Variants in SLC17A1 observed in about 807,000 individuals in gnomAD.
SLC17A1 encodes sodium-dependent phosphate transport protein 1.
Under a neutral mutation model 53.5 loss-of-function variants are expected in SLC17A1, and 51 were observed. The ratio of observed to expected loss-of-function variants is 0.95; its 90% confidence interval spans 0.76 to 1.20. SLC17A1 has a LOEUF of 1.20. Ranked by LOEUF, SLC17A1 falls within the 50% of genes most tolerant of loss-of-function variation. SLC17A1 has a pLI of 0.00. For missense variants in SLC17A1, 538 were observed against 568.2 expected (o/e 0.95, Z 0.54); for synonymous variants, 179 against 198.8 (o/e 0.90, Z 0.84).
At chr6:25,731,463 A>G in the SLC17A1 span, among the ~76,000 whole-genome samples, 148,971 of 152,296 alleles carry the variant, frequency 0.98, 72,940 homozygotes, top group East Asian at 1. Context: ...AGAAAACGTC[A>G]TAGACAAAAA....
intron 6 of SLC17A1, 114 bp from the exon 7 acceptor site, chr6:25,813,327 T>G: frequency 1.2e-6 from 1 of 836,404 alleles, no homozygotes; most frequent in Non-Finnish European, 2.0e-6. Flanking sequence ...CTTTCTTTTT[T>G]GAAACTTTTC....
chr6:25,814,704 C>G (rs974827417), intron 6 of SLC17A1, among the ~76,000 whole-genome samples: 1 of 152,148 alleles, frequency 6.6e-6, no homozygotes, highest in Admixed American at 6.5e-5. Context: ...ACAGAATGGG[C>G]TGGGCATGGT....
At chr6:25,741,430 A>C in the SLC17A1 span, among the ~76,000 whole-genome samples, 13 of 151,260 alleles carry the variant, frequency 8.6e-5, no homozygotes, top group South Asian at 1.0e-3. Flanking sequence ...AAAAAAAAAA[A>C]AAAAAAGGGC....
chr6:25,774,823 A>G, the SLC17A1 span, among the ~76,000 whole-genome samples: 1 of 152,244 alleles, frequency 6.6e-6, no homozygotes, highest in Non-Finnish European at 1.5e-5. Context: ...CATTGCCTTC[A>G]GGGCATTTTC....
chr6:25,757,334 C>G, the SLC17A1 span, among the ~76,000 whole-genome samples: 1 of 152,210 alleles, frequency 6.6e-6, no homozygotes, highest in South Asian at 2.1e-4. Context: ...TTCACCAGCA[C>G]CTACTGCTTA....
Position 25,819,873 on chromosome 6 carries a change from A to G in SLC17A1, c.250T>C (p.Leu84=), listed in dbSNP as rs927499772. 2 of 1,613,772 alleles carry G rather than the reference A, an allele frequency of 1.2e-6. No homozygotes were observed. Among genetic ancestry groups the G allele is most frequent in the East Asian group, 2.2e-5 (1 of 44,874 alleles). The part of the protein sequence containing the change: ...NWSPDIQGII[L]SSTSYGVIII... ...ATGACACCATAGGAGGTGGAACTCA[A>G]GATGATTCCCTGGATATCTGGGCTC... The change falls in exon 4 of 13, where the codon TTG becomes CTG. Residue 84 remains leucine, a synonymous_variant. Transcript: ENST00000244527.
intron 10 of SLC17A1, among the ~76,000 whole-genome samples, chr6:25,810,841 T>C (rs1245208698): frequency 6.6e-6 from 1 of 152,132 alleles, no homozygotes; most frequent in Admixed American, 6.6e-5. Context: ...AGCCAAGACA[T>C]AGGATCAACC....
intron 2 of SLC17A1, 39 bp from the exon 3 acceptor site, chr6:25,826,672 C>T (rs763473155): frequency 1.0e-5 from 15 of 1,469,092 alleles, no homozygotes; most frequent in Non-Finnish European, 1.4e-5. Flanking sequence ...GCTGACAGAG[C>T]TGAGATAAAA....
the SLC17A1 span, chr6:25,771,002 C>T: frequency 6.2e-7 from 1 of 1,613,612 alleles, no homozygotes; most frequent in Admixed American, 1.7e-5. Context: ...CTTACGTCTT[C>T]TATATCTTTG....
chr6:25,777,588 C>T, the SLC17A1 span: 30 of 191,676 alleles, frequency 1.6e-4, no homozygotes, highest in African/African-American at 6.9e-4. Flanking sequence ...ACAACAACAA[C>T]AACAACAACA....
chr6:25,795,118 A>C (rs1272686173), intron 12 of SLC17A1, among the ~76,000 whole-genome samples: 1 of 152,196 alleles, frequency 6.6e-6, no homozygotes, highest in East Asian at 1.9e-4. Context: ...CACTATCCAT[A>C]CTGGTGTTCC....
At chr6:25,766,814 C>A in the SLC17A1 span, among the ~76,000 whole-genome samples, 1 of 152,118 alleles carries the variant, frequency 6.6e-6, no homozygotes, top group Non-Finnish European at 1.5e-5. Flanking sequence ...ATTTAGAATA[C>A]ATTTTAGAAA....
chr6:25,804,941 G>T (rs1007979442), intron 10 of SLC17A1, among the ~76,000 whole-genome samples: 1 of 151,880 alleles, frequency 6.6e-6, no homozygotes, highest in Non-Finnish European at 1.5e-5. Flanking sequence ...ACAGTGGAAG[G>T]CTTCAACACT....
intron 2 of SLC17A1, 69 bp from the exon 3 acceptor site, chr6:25,826,702 G>A (rs746535795): frequency 2.0e-5 from 23 of 1,173,254 alleles, no homozygotes; most frequent in Non-Finnish European, 2.4e-5. Flanking sequence ...AACTATAGGA[G>A]GGACATTCAG....
the SLC17A1 span, among the ~76,000 whole-genome samples, chr6:25,735,410 A>G: frequency 6.6e-6 from 1 of 152,226 alleles, no homozygotes; most frequent in East Asian, 1.9e-4. Flanking sequence ...AGAGAGATTA[A>G]GTGAGCAATC....
At chr6:25,822,839 AATAG>A (rs1381011087) in intron 3 of SLC17A1, among the ~76,000 whole-genome samples, 1 of 152,202 alleles carries the variant, frequency 6.6e-6, no homozygotes, top group African/African-American at 2.4e-5. Flanking sequence ...TTTTATGTAA[AATAG>A]ATAATTGACA....
chr6:25,734,165 A>T, the SLC17A1 span, among the ~76,000 whole-genome samples: 21 of 152,170 alleles, frequency 1.4e-4, no homozygotes, highest in African/African-American at 4.8e-4. Context: ...ATTACCCTAA[A>T]CCTATAGAAT....
chr6:25,735,418 A>G, the SLC17A1 span, among the ~76,000 whole-genome samples: 3 of 152,352 alleles, frequency 2.0e-5, no homozygotes, highest in Middle Eastern at 6.8e-3. Context: ...TAAGTGAGCA[A>G]TCATGCTCTA....
At position 25,813,222 on chromosome 6, in the gene SLC17A1, G is replaced by A; in HGVS notation, c.617-9C>T. 1 of 1,607,776 alleles carries A rather than the reference G, an allele frequency of 6.2e-7. No individual in the cohort carries two copies. Among genetic ancestry groups the A allele is most frequent in the Non-Finnish European group, 8.5e-7 (1 of 1,174,242 alleles). On this transcript the variant is annotated splice_polypyrimidine_tract_variant and intron_variant, in intron 6 of 12. Transcript: ENST00000244527. Reference sequence around the variant, plus strand: ...GGCACAGCCACAAGCACCTATCAAAGCAGGGTAAGTTAGAATTGGAAGTCT... The same window carrying A: ...GGCACAGCCACAAGCACCTATCAAAACAGGGTAAGTTAGAATTGGAAGTCT...
Sources: gnomAD v4.1 joint callset for allele counts (sites outside exome capture counted in the v4.1 genomes callset) on GRCh38, gnomAD v4.1.1 for gene constraint, MANE v1.5 for transcripts, NCBI Gene and HGNC (gene_info 2026-07-23, HGNC 2026-07-21) for gene names.